The following CCSER1 variants were observed in gnomAD, a reference collection of about 807,000 sequenced individuals.
The protein encoded by CCSER1 is serine-rich coiled-coil domain-containing protein 1.
A neutral mutation model predicts 82.0 loss-of-function variants in CCSER1; 41 were observed. That is an observed-to-expected ratio of 0.50 (90% CI 0.39 to 0.65). The LOEUF is 0.65. CCSER1 is among the 30% of genes least tolerant of loss of function. The pLI, the probability that CCSER1 is intolerant of heterozygous loss-of-function variation, is 0.00. For missense variants in CCSER1, 1,119 were observed against 1,064.2 expected (o/e 1.05, Z -0.72); for synonymous variants, 414 against 383.9 (o/e 1.08, Z -0.92).
At chr4:90,913,756 G>A (rs1726821247) in intron 8 of CCSER1, among the ~76,000 whole-genome samples, 1 of 152,162 alleles carries the variant, frequency 6.6e-6, no homozygotes, top group East Asian at 1.9e-4. Context: ...CATCTCACGT[G>A]CAGAGACACA....
chr4:91,074,942 A>G (rs1002528754), intron 9 of CCSER1, among the ~76,000 whole-genome samples: 2 of 152,236 alleles, frequency 1.3e-5, no homozygotes, highest in African/African-American at 4.8e-5. Flanking sequence ...GAAAAAATAA[A>G]TCAACCAAAT....
intron 7 of CCSER1, among the ~76,000 whole-genome samples, chr4:90,802,145 G>A (rs960064231): frequency 5.3e-5 from 8 of 151,394 alleles, no homozygotes; most frequent in Non-Finnish European, 1.2e-4. Flanking sequence ...TTGAACCCGG[G>A]AGGCGGAGTT....
At chr4:91,079,333 A>C (rs775411948) in intron 9 of CCSER1, among the ~76,000 whole-genome samples, 4 of 152,190 alleles carry the variant, frequency 2.6e-5, no homozygotes, top group Non-Finnish European at 5.9e-5. Flanking sequence ...TAAGCTTCAT[A>C]AGGGAAGGAG....
chr4:90,374,413 G>T (rs111717140), intron 3 of CCSER1, among the ~76,000 whole-genome samples: 2,415 of 152,212 alleles, frequency 0.016, 39 homozygotes, highest in African/African-American at 0.041. Flanking sequence ...TTTTTGGGAG[G>T]GGGGATTTCC....
intron 10 of CCSER1, among the ~76,000 whole-genome samples, chr4:91,213,611 A>T (rs1737010057): frequency 6.6e-6 from 1 of 152,188 alleles, no homozygotes; most frequent in South Asian, 2.1e-4. Flanking sequence ...GGGGAGGAGA[A>T]TGGACAAATT....
intron 6 of CCSER1, among the ~76,000 whole-genome samples, chr4:90,645,129 A>G (rs1007119959): frequency 2.0e-4 from 31 of 151,786 alleles, no homozygotes; most frequent in African/African-American, 7.0e-4. Flanking sequence ...CTTTTGCGGC[A>G]TAGTATTCCA....
intron 6 of CCSER1, among the ~76,000 whole-genome samples, chr4:90,645,600 A>G (rs967180953): frequency 4.6e-5 from 7 of 152,276 alleles, no homozygotes; most frequent in African/African-American, 1.7e-4. Flanking sequence ...TTTCCTATTC[A>G]GGGCTTTGGA....
chr4:91,602,623 T>A lies in CCSER1; in HGVS notation c.*3566T>A, dbSNP rs1005166013. 2.0e-5 allele frequency among the ~76,000 whole-genome samples: 3 copies of A among 151,984 alleles called. No homozygotes were observed. Among genetic ancestry groups the A allele is most frequent in the African/African-American group, 7.2e-5 (3 of 41,426 alleles). On this transcript the variant is annotated 3_prime_UTR_variant, in exon 11 of 11. Coordinates refer to ENST00000509176, the MANE Select transcript of CCSER1 (RefSeq NM_001145065.2). ...ATAATCTCATAATTATAATCTAAAT[T>A]TTTACTACTTTTTCACTTTCAGAAC...
At chr4:91,368,463 T>C (rs1206469059) in intron 10 of CCSER1, among the ~76,000 whole-genome samples, 1 of 152,190 alleles carries the variant, frequency 6.6e-6, no homozygotes, top group Non-Finnish European at 1.5e-5. Context: ...GAATATTGTT[T>C]CTGTAATTCT....
At chr4:90,275,009 A>G (rs1160132327) in intron 1 of CCSER1, among the ~76,000 whole-genome samples, 2 of 152,150 alleles carry the variant, frequency 1.3e-5, no homozygotes, top group African/African-American at 4.8e-5. Context: ...ATCACTTTCT[A>G]TGAGCAAATG....
rs113020821 is a variant in CCSER1 at position 91,571,493 on chromosome 4, A to ATCATG, written c.2218-27075_2218-27071dup. ...CTGGGGAGGCCTTGGGAAACTTACA[A>ATCATG]TCATGTCAGAAGGCACCTCTTCACA... is the stretch of plus-strand genomic sequence containing the variant. On this transcript the variant is annotated intron_variant, in intron 10 of 10. Transcript: ENST00000509176. Among the ~76,000 whole-genome samples the ATCATG allele has an allele frequency of 8.9e-3, 1,362 of 152,278 alleles. 8 individuals carry two copies. The highest frequency in any genetic ancestry group is 0.02 in the Middle Eastern group (6 of 294).
At chr4:91,181,987 G>A (rs1734075142) in intron 10 of CCSER1, among the ~76,000 whole-genome samples, 1 of 152,206 alleles carries the variant, frequency 6.6e-6, no homozygotes, top group South Asian at 2.1e-4. Context: ...ACTCATGGCA[G>A]TGGTGATAAC....
chr4:91,579,456 G>A (rs1485281143), intron 10 of CCSER1, among the ~76,000 whole-genome samples: 1 of 151,672 alleles, frequency 6.6e-6, no homozygotes, highest in Non-Finnish European at 1.5e-5. Context: ...TGGCATCTAT[G>A]TGATGAAAAC....
At chr4:90,648,594 A>G (rs1252315152) in intron 6 of CCSER1, among the ~76,000 whole-genome samples, 1 of 152,140 alleles carries the variant, frequency 6.6e-6, no homozygotes, top group Non-Finnish European at 1.5e-5. Context: ...CTAATTCAAT[A>G]TGATTGTTGT....
intron 8 of CCSER1, among the ~76,000 whole-genome samples, chr4:90,855,787 A>G (rs1764395182): frequency 6.6e-6 from 1 of 152,186 alleles, no homozygotes; most frequent in African/African-American, 2.4e-5. Context: ...ATCACTTCAT[A>G]TAAATGAAGA....
At chr4:90,779,950 G>A (rs1417453506) in intron 7 of CCSER1, among the ~76,000 whole-genome samples, 1 of 152,084 alleles carries the variant, frequency 6.6e-6, no homozygotes, top group Non-Finnish European at 1.5e-5. Flanking sequence ...ATGATATGTG[G>A]GCCTTTGATG....
intron 10 of CCSER1, among the ~76,000 whole-genome samples, chr4:91,102,019 G>C (rs1725115498): frequency 7.2e-6 from 1 of 139,474 alleles, no homozygotes. Context: ...TTTGCAGTCA[G>C]ACAGACCCCT....
chr4:91,430,210 GA>G (rs935827485), intron 10 of CCSER1, among the ~76,000 whole-genome samples: 14 of 152,044 alleles, frequency 9.2e-5, no homozygotes, highest in Admixed American at 2.0e-4. Flanking sequence ...AGAATAGGGG[GA>G]AAAAAGCTAT....
chr4:90,840,945 A>G (rs1326293673), intron 8 of CCSER1, among the ~76,000 whole-genome samples: 1 of 152,202 alleles, frequency 6.6e-6, no homozygotes, highest in Non-Finnish European at 1.5e-5. Context: ...CATGTATTGC[A>G]TAATAGTTAC....
Sources: gnomAD v4.1 joint callset for allele counts (sites outside exome capture counted in the v4.1 genomes callset) on GRCh38, gnomAD v4.1.1 for gene constraint, MANE v1.5 for transcripts, NCBI Gene and HGNC (gene_info 2026-07-23, HGNC 2026-07-21) for gene names.